Variants in SOCS5 observed in about 807,000 individuals in gnomAD.
The protein encoded by SOCS5 is CIS-6.
A neutral mutation model predicts 42.8 loss-of-function variants in SOCS5; 32 were observed. The observed-to-expected ratio is 0.75, with a 90% CI of 0.56 to 1.01. The LOEUF (loss-of-function observed/expected upper bound fraction) is 1.01. SOCS5 is among the 50% of genes least tolerant of loss of function. SOCS5 has a pLI of 0.00. For missense variants in SOCS5, 627 were observed against 653.0 expected, an observed-to-expected ratio of 0.96 and a Z score of 0.43; for synonymous variants, 283 against 229.6, an observed-to-expected ratio of 1.23 and a Z score of -2.10.
chr2:46,758,483 T>A lies in SOCS5; in HGVS notation c.-12-36T>A, dbSNP rs764715846. ...AGCTACCTTCACATGCTACTTTGAT[T>A]AATTTATTTTTCTCTTTTTGCTGTT... On this transcript the variant is annotated intron_variant, in intron 1 of 1. Coordinates refer to ENST00000394861, the MANE Select transcript of SOCS5 (RefSeq NM_144949.3). 8.4e-6 allele frequency: 12 copies of A among 1,429,204 alleles called. No homozygotes were observed. The South Asian group carries it at 1.5e-4, about 18-fold the overall frequency. 88.5% of individuals were successfully genotyped at this position (1,429,204 alleles called of 1,614,324 possible). A position where few individuals can be genotyped will look rare whatever the true frequency, so the allele number is the denominator to read the frequency against.
intron 1 of SOCS5, among the ~76,000 whole-genome samples, chr2:46,705,619 ACTTT>A (rs1263772411): frequency 1.3e-5 from 2 of 152,242 alleles, no homozygotes; most frequent in African/African-American, 4.8e-5. Flanking sequence ...AAGCTCAAGC[ACTTT>A]CTTATGGGTT....
At chr2:46,726,377 A>G (rs893179251) in intron 1 of SOCS5, among the ~76,000 whole-genome samples, 1 of 152,170 alleles carries the variant, frequency 6.6e-6, no homozygotes, top group Admixed American at 6.5e-5. Flanking sequence ...ATTACAAGGC[A>G]TGAGCCACTG....
At chr2:46,732,508 CTG>C (rs1368633034) in intron 1 of SOCS5, among the ~76,000 whole-genome samples, 1 of 152,226 alleles carries the variant, frequency 6.6e-6, no homozygotes, top group Non-Finnish European at 1.5e-5. Flanking sequence ...AAAAGAAACA[CTG>C]TTAATGAAAC....
intron 1 of SOCS5, among the ~76,000 whole-genome samples, chr2:46,746,764 G>A (rs1268390449): frequency 6.6e-6 from 1 of 151,760 alleles, no homozygotes; most frequent in Admixed American, 6.6e-5. Flanking sequence ...TTATGTAATT[G>A]ATCTTTGTGT....
At chr2:46,758,425 A>T in intron 1 of SOCS5, 94 bp from the exon 2 acceptor site, 2 of 805,878 alleles carry the variant, frequency 2.5e-6, no homozygotes, top group Non-Finnish European at 3.9e-6. Flanking sequence ...TATCACTGAA[A>T]TTCTGGACGG....
intron 1 of SOCS5, among the ~76,000 whole-genome samples, chr2:46,728,358 A>G (rs1051309571): frequency 1.3e-5 from 2 of 152,188 alleles, no homozygotes; most frequent in South Asian, 2.1e-4. Flanking sequence ...CATTGAAGCA[A>G]TGTGTACTGT....
chr2:46,759,948 C>A lies in SOCS5; in HGVS notation c.1418C>A (p.Thr473Asn), dbSNP rs748769605. 1 of 1,614,012 alleles carries A rather than the reference C, an allele frequency of 6.2e-7. No homozygotes were observed. Among genetic ancestry groups the A allele is most frequent in the African/African-American group, 1.3e-5 (1 of 74,908 alleles). ...TGCATGTTTTTTGAACCATTGCTTACTATATCACTAAATAGGACTTTCCCT... is the reference window on the plus strand; with the variant it reads ...TGCATGTTTTTTGAACCATTGCTTAATATATCACTAAATAGGACTTTCCCT... Reference protein sequence around the residue: ...SSCMFFEPLLTISLNRTFPFS... With the variant: ...SSCMFFEPLLNISLNRTFPFS... Residue 473 changes from threonine to asparagine, a missense_variant, in exon 2 of 2, where the codon ACT becomes AAT. Physicochemically the swap from Thr to Asn is moderately conservative, Grantham distance 65 (BLOSUM62 0). Transcript: ENST00000394861.
chr2:46,710,215 C>G (rs974216638), intron 1 of SOCS5, among the ~76,000 whole-genome samples: 1 of 152,162 alleles, frequency 6.6e-6, no homozygotes, highest in African/African-American at 2.4e-5. Context: ...GGCGCAATCT[C>G]GGCTCACTGC....
At position 46,759,604 on chromosome 2, in the gene SOCS5, A is replaced by G. The variant is rs368457796; in HGVS notation, c.1074A>G (p.Lys358=). 9 of 1,613,874 alleles carry G rather than the reference A, an allele frequency of 5.6e-6. No individual in the cohort carries two copies. In the African/African-American group the frequency reaches 9.3e-5, roughly 17 times the overall value. The change falls in exon 2 of 2, where the codon AAA becomes AAG. Residue 358 remains lysine, a synonymous_variant. Coordinates refer to ENST00000394861, the MANE Select transcript of SOCS5 (RefSeq NM_144949.3). ...HTHVSRQGAW[K]VHTQIDYIHC... ...ATGTTAGCAGACAGGGAGCTTGGAAAGTCCACACACAGATTGATTACATAC... is the reference window on the plus strand; with the variant it reads ...ATGTTAGCAGACAGGGAGCTTGGAAGGTCCACACACAGATTGATTACATAC...
intron 1 of SOCS5, among the ~76,000 whole-genome samples, chr2:46,718,214 A>G (rs145189626): frequency 2.6e-5 from 4 of 152,250 alleles, no homozygotes; most frequent in East Asian, 3.9e-4. Context: ...CTCTTGTCCA[A>G]TATCTGAAAA....
chr2:46,753,379 C>T (rs1278075628), intron 1 of SOCS5, among the ~76,000 whole-genome samples: 1 of 152,134 alleles, frequency 6.6e-6, no homozygotes, highest in African/African-American at 2.4e-5. Context: ...TTAAGGAAGG[C>T]TTATCTGATT....
At chr2:46,739,129 T>C (rs1267548126) in intron 1 of SOCS5, among the ~76,000 whole-genome samples, 1 of 152,216 alleles carries the variant, frequency 6.6e-6, no homozygotes, top group Admixed American at 6.5e-5. Flanking sequence ...TGTGCCAAAT[T>C]TTATTTGTGG....
At chr2:46,711,730 T>G (rs1022280589) in intron 1 of SOCS5, among the ~76,000 whole-genome samples, 2 of 152,256 alleles carry the variant, frequency 1.3e-5, no homozygotes, top group African/African-American at 4.8e-5. Flanking sequence ...TTCTTCCAGA[T>G]GCTTTATGGT....
chr2:46,736,461 C>T (rs1260620918), intron 1 of SOCS5, among the ~76,000 whole-genome samples: 2 of 152,248 alleles, frequency 1.3e-5, no homozygotes, highest in Non-Finnish European at 2.9e-5. Flanking sequence ...AGACTCTGTA[C>T]TCATTAAAAA....
At chr2:46,743,421 A>G (rs909700685) in intron 1 of SOCS5, among the ~76,000 whole-genome samples, 1 of 152,144 alleles carries the variant, frequency 6.6e-6, no homozygotes, top group Non-Finnish European at 1.5e-5. Flanking sequence ...ATATGGGGTA[A>G]CTTCCTGACA....
At chr2:46,708,967 A>C (rs1292567491) in intron 1 of SOCS5, among the ~76,000 whole-genome samples, 7 of 138,538 alleles carry the variant, frequency 5.1e-5, no homozygotes, top group African/African-American at 1.9e-4. Context: ...GCTCACTGCA[A>C]CCTCCACCTC....
At position 46,738,053 on chromosome 2, in the gene SOCS5, G is replaced by A. The variant is rs540559825; in HGVS notation, c.-12-20466G>A. Among the ~76,000 whole-genome samples, 34 of 152,304 alleles carry A rather than the reference G, an allele frequency of 2.2e-4. 1 individual carries two copies. Among genetic ancestry groups the A allele is most frequent in the Admixed American group, 7.2e-4 (11 of 15,296 alleles). ...ACCCTTTTAGAGAAATCAACAGGGA[G>A]ACATTTGAACTTGATGTAGATGTTA... is the stretch of plus-strand genomic sequence containing the variant. On this transcript the variant is annotated intron_variant, in intron 1 of 1. Transcript: ENST00000394861.
rs34879664 is a variant in SOCS5, at chr2:46,751,247, T to C, written c.-12-7272T>C. The stretch of plus-strand genomic sequence containing the variant: ...GTCATCACAGCCATTACTGTCAAGA[T>C]TATTACTCTTTTTTCAAGATTCAGC... On this transcript the variant is annotated intron_variant, in intron 1 of 1. Transcript: ENST00000394861. Among the ~76,000 whole-genome samples the C allele has an allele frequency of 1.5e-3, 221 of 152,256 alleles. 1 individual carries two copies. Among genetic ancestry groups the C allele is most frequent in the Non-Finnish European group, 2.1e-3 (144 of 68,008 alleles).
At chr2:46,728,823 C>T (rs994654129) in intron 1 of SOCS5, among the ~76,000 whole-genome samples, 1 of 152,186 alleles carries the variant, frequency 6.6e-6, no homozygotes, top group Non-Finnish European at 1.5e-5. Context: ...TCCCAAAGTG[C>T]TGGGATTATA....
Sources: allele counts gnomAD v4.1 joint callset (sites outside exome capture counted in the v4.1 genomes callset), GRCh38; gene constraint gnomAD v4.1.1; transcripts MANE v1.5; gene names NCBI Gene and HGNC (gene_info 2026-07-23, HGNC 2026-07-21).